Variants in DNAH10 observed in about 807,000 individuals in gnomAD.
DNAH10 encodes the protein dynein axonemal heavy chain 10.
Under a neutral mutation model 506.6 loss-of-function variants are expected in DNAH10, and 348 were observed. The observed-to-expected ratio is 0.69, with a 90% CI of 0.63 to 0.75. DNAH10 has a LOEUF of 0.75. DNAH10 is among the 30% of genes least tolerant of loss of function. DNAH10 has a pLI of 0.00. For missense variants in DNAH10, 5,179 were observed against 5,787.1 expected, an observed-to-expected ratio of 0.89 and a Z score of 3.41; for synonymous variants, 2,059 against 2,198.6, an observed-to-expected ratio of 0.94 and a Z score of 1.78.
At chr12:123,845,921 G>T in intron 31 of DNAH10, 50 bp from the exon 32 acceptor site, 1 of 1,612,358 alleles carries the variant, frequency 6.2e-7, no homozygotes, top group Non-Finnish European at 8.5e-7. Context: ...TTTGTGGTCC[G>T]CTGATCTGTC....
intron 25 of DNAH10, 27 bp downstream of exon 25, chr12:123,826,925 G>A (rs1262190421): frequency 3.8e-6 from 6 of 1,581,198 alleles, no homozygotes; most frequent in Admixed American, 1.8e-5. Context: ...GTCCGCAGAT[G>A]TAAAAGTGTG....
chr12:123,812,392 A>G (rs1958975646), intron 19 of DNAH10, among the ~76,000 whole-genome samples: 1 of 152,174 alleles, frequency 6.6e-6, no homozygotes, highest in South Asian at 2.1e-4. Context: ...CAGAGCTTGC[A>G]GTGAGCTGAG....
chr12:123,784,444 G>A (rs1026155942), intron 8 of DNAH10, among the ~76,000 whole-genome samples: 1 of 152,138 alleles, frequency 6.6e-6, no homozygotes, highest in Non-Finnish European at 1.5e-5. Flanking sequence ...CTACTCAGGA[G>A]GCTGAGGTGG....
rs1405837266 is a variant in DNAH10 at position 123,907,991 on chromosome 12, G to A, written c.9816-1270G>A. Among the ~76,000 whole-genome samples, 1 of 152,130 alleles carries A rather than the reference G, an allele frequency of 6.6e-6. No individual in the cohort carries two copies. Among genetic ancestry groups the A allele is most frequent in the Non-Finnish European group, 1.5e-5 (1 of 68,018 alleles). Reference sequence around the variant, plus strand: ...TCCTCTGCTGTCTGTGTGGGAGTGTGTGAGGGTTCCGGGGTCAGGAGGGGT... The same window carrying A: ...TCCTCTGCTGTCTGTGTGGGAGTGTATGAGGGTTCCGGGGTCAGGAGGGGT... On this transcript the variant is annotated intron_variant, in intron 57 of 78. Coordinates refer to ENST00000673944, the MANE Select transcript of DNAH10 (RefSeq NM_001372106.1). The surrounding 1 kb of genome is among the most constrained non-coding windows in gnomAD (Gnocchi z 4.4).
chr12:123,818,597 T>A (rs1356051966), intron 21 of DNAH10, among the ~76,000 whole-genome samples: 5 of 152,230 alleles, frequency 3.3e-5, no homozygotes, highest in Admixed American at 6.5e-5. Flanking sequence ...GTTCTGGGAT[T>A]ATAGGCGTGA....
In DNAH10 at chr12:123,843,191, G is replaced by A. The variant is rs184960314; in HGVS notation, c.5360+1646G>A. Among the ~76,000 whole-genome samples the A allele has an allele frequency of 3.9e-5, 6 of 152,328 alleles. No individual in the cohort carries two copies. In the East Asian group the frequency reaches 1.2e-3, roughly 29 times the overall value. The stretch of plus-strand genomic sequence containing the variant: ...CTCATCCAGATGCTCCTTTGAGCAC[G>A]TGAACTTGTTGCTTCCAACAGGGAG... On this transcript the variant is annotated intron_variant, in intron 30 of 78. Transcript: ENST00000673944.
intron 33 of DNAH10, 83 bp from the exon 34 acceptor site, chr12:123,848,647 A>G: frequency 6.5e-7 from 1 of 1,539,206 alleles, no homozygotes; most frequent in Non-Finnish European, 8.8e-7. Flanking sequence ...GTTTGCTTTA[A>G]TTTAGAAAAT....
At chr12:123,929,826 A>G (rs1419030153) in intron 72 of DNAH10, 67 bp downstream of exon 72, 3 of 1,451,728 alleles carry the variant, frequency 2.1e-6, no homozygotes, top group Admixed American at 2.0e-5. Flanking sequence ...TCGTGCCCCT[A>G]TTTTCCTCTG....
intron 70 of DNAH10, 178 bp from the exon 71 acceptor site, chr12:123,929,097 G>C: frequency 3.1e-6 from 2 of 652,194 alleles, no homozygotes; most frequent in Non-Finnish European, 5.2e-6. Flanking sequence ...CTGAGAGCCA[G>C]AACATCTAGT....
In DNAH10 at chr12:123,845,796, A is replaced by G; in HGVS notation, c.5557A>G (p.Arg1853Gly). 9.3e-6 allele frequency: 15 copies of G among 1,614,054 alleles called. No homozygotes were observed. Among genetic ancestry groups the G allele is most frequent in the East Asian group, 2.2e-5 (1 of 44,876 alleles). Residue 1853 changes from arginine (R) to glycine (G), a missense_variant, in exon 31 of 79, where the codon AGG (arginine) becomes GGG (glycine). Transcript: ENST00000673944. ...RITMPLSKND[R>G]KKYNTVLIID... ...CACCATGCCGCTAAGCAAAAACGAC[A>G]GGAAAAAATACAACACTGTTCTCAT...
At chr12:123,827,285 T>C (rs2136466413) in intron 25 of DNAH10, among the ~76,000 whole-genome samples, 1 of 152,358 alleles carries the variant, frequency 6.6e-6, no homozygotes, top group African/African-American at 2.4e-5. Flanking sequence ...AAATTAATTT[T>C]AATAGTATAT....
chr12:123,879,640 C>T lies in DNAH10; in HGVS notation c.8473C>T (p.Gln2825Ter), dbSNP rs1952414190. 6.2e-7 allele frequency: 1 copy of T among 1,613,948 alleles called. No homozygotes were observed. Among genetic ancestry groups the T allele is most frequent in the Non-Finnish European group, 8.5e-7 (1 of 1,179,852 alleles). Residue 2825 changes from glutamine to a stop codon, truncating the protein, a stop_gained, in exon 50 of 79, where the codon CAG becomes TAG. Coordinates refer to ENST00000673944, the MANE Select transcript of DNAH10 (RefSeq NM_001372106.1). LOFTEE classifies it high-confidence loss of function. The stretch of plus-strand genomic sequence containing the variant: ...AGTGGGCTTCTGTTTCAAGGTACAA[C>T]AGCACATAGGCAGCTTGGTTGTGGA... The part of the protein sequence containing the change: ...ISETDKQLVQ[Q>*]HIGSLVVEHF...
intron 59 of DNAH10, among the ~76,000 whole-genome samples, chr12:123,911,016 G>A (rs549294270): frequency 1.3e-5 from 2 of 151,572 alleles, no homozygotes; most frequent in Non-Finnish European, 2.9e-5. Flanking sequence ...AACCAGCTTG[G>A]GCAACATAGT....
chr12:123,876,449 A>G (rs1195872423), intron 47 of DNAH10, among the ~76,000 whole-genome samples: 1 of 151,960 alleles, frequency 6.6e-6, no homozygotes, highest in Non-Finnish European at 1.5e-5. Flanking sequence ...CCTGGTCAAC[A>G]TAGCAAAACC....
intron 43 of DNAH10, 67 bp downstream of exon 43, chr12:123,868,186 A>T: frequency 1.5e-6 from 2 of 1,358,054 alleles, no homozygotes; most frequent in African/African-American, 1.5e-5. Context: ...GAGGAAGTGA[A>T]TGAGCTTTTC....
At chr12:123,897,365 A>G (rs776153496) in intron 54 of DNAH10, among the ~76,000 whole-genome samples, 7 of 152,152 alleles carry the variant, frequency 4.6e-5, no homozygotes, top group African/African-American at 7.2e-5. Flanking sequence ...TATACCTAGG[A>G]GTGGAATTGT....
At chr12:123,763,392 C>T (rs1345357900) in intron 1 of DNAH10, among the ~76,000 whole-genome samples, 1 of 152,050 alleles carries the variant, frequency 6.6e-6, no homozygotes, top group Non-Finnish European at 1.5e-5. Context: ...AGCACAGCTA[C>T]CGGGACCTCC....
At position 123,762,653 on chromosome 12, in the gene DNAH10, C is replaced by T. The variant is rs577098062; in HGVS notation, c.214+103C>T. 3 of 1,270,694 alleles carry T rather than the reference C, an allele frequency of 2.4e-6. No homozygotes were observed. Among genetic ancestry groups the T allele is most frequent in the African/African-American group, 3.1e-5 (2 of 65,100 alleles). 78.7% of individuals were successfully genotyped at this position (1,270,694 alleles called of 1,614,324 possible). A position where few individuals can be genotyped will look rare whatever the true frequency, so the allele number is the denominator to read the frequency against. ...CTAGAGCCTGCCCATCGTCCGGCCCCGGCCTCAGGTGCTGTCCACAAACGC... is the reference window on the plus strand; with the variant it reads ...CTAGAGCCTGCCCATCGTCCGGCCCTGGCCTCAGGTGCTGTCCACAAACGC... On this transcript the variant is annotated intron_variant, in intron 1 of 78. Coordinates refer to ENST00000673944, the MANE Select transcript of DNAH10 (RefSeq NM_001372106.1). The surrounding 1 kb of genome is among the most constrained non-coding windows in gnomAD (Gnocchi z 5.0).
chr12:123,850,872 C>A lies in DNAH10; in HGVS notation c.6103-16C>A. On this transcript the variant is annotated splice_polypyrimidine_tract_variant and intron_variant, in intron 34 of 78. Transcript: ENST00000673944. This position sits in a 1 kb window ranked among gnomAD's most constrained non-coding sequence, Gnocchi z 5.5. ...CCACCTAACTGCTTCTTTCTTTCTT[C>A]CTTCTTGCCCTCCAGTTTGAAGGGC... 4.4e-6 allele frequency: 7 copies of A among 1,595,316 alleles called. No individual in the cohort carries two copies. Among genetic ancestry groups the A allele is most frequent in the Non-Finnish European group, 6.0e-6 (7 of 1,168,094 alleles).
Sources: allele counts gnomAD v4.1 joint callset (sites outside exome capture counted in the v4.1 genomes callset), GRCh38; gene constraint gnomAD v4.1.1; non-coding constraint Gnocchi (gnomAD v3.1); transcripts MANE v1.5; gene names NCBI Gene and HGNC (gene_info 2026-07-23, HGNC 2026-07-21).